COL4A3: variants seen among roughly 807,000 people sequenced by gnomAD.
COL4A3 encodes collagen alpha-3(IV) chain.
A neutral mutation model predicts 217.4 loss-of-function variants in COL4A3; 135 were observed. The observed-to-expected ratio is 0.62, with a 90% CI of 0.54 to 0.72. The LOEUF (loss-of-function observed/expected upper bound fraction) is 0.72. Among genes scored for constraint, COL4A3 ranks in the 30% least tolerant of loss-of-function variants. COL4A3 has a pLI of 0.00. For missense variants in COL4A3, 1,868 were observed against 2,119.9 expected, an observed-to-expected ratio of 0.88 and a Z score of 2.33; for synonymous variants, 690 against 736.3, an observed-to-expected ratio of 0.94 and a Z score of 1.02.
At chr2:227,239,810 C>G (rs2068913238) in intron 2 of COL4A3, among the ~76,000 whole-genome samples, 1 of 152,198 alleles carries the variant, frequency 6.6e-6, no homozygotes, top group Non-Finnish European at 1.5e-5. Flanking sequence ...ACTCCACTAA[C>G]CTTGATGCTT....
chr2:227,167,257 A>G (rs1042333521), intron 1 of COL4A3, among the ~76,000 whole-genome samples: 13 of 152,206 alleles, frequency 8.5e-5, no homozygotes, highest in Admixed American at 6.5e-5. Flanking sequence ...CAAAACAGGG[A>G]AATAGCAGCG....
intron 5 of COL4A3, 66 bp downstream of exon 5, chr2:227,245,061 A>T (rs1231668697): frequency 2.3e-4 from 337 of 1,492,282 alleles, no homozygotes; most frequent in Non-Finnish European, 3.0e-4. Context: ...AAAGATGTTA[A>T]AACAGTCGTG....
intron 42 of COL4A3, 29 bp from the exon 43 acceptor site, chr2:227,298,653 C>G: frequency 1.2e-6 from 2 of 1,612,812 alleles, no homozygotes; most frequent in Non-Finnish European, 1.7e-6. Context: ...CCCTGGCTGG[C>G]AATACTGACA....
At chr2:227,311,006 T>G in intron 51 of COL4A3, 58 bp downstream of exon 51, 1 of 1,598,204 alleles carries the variant, frequency 6.3e-7, no homozygotes, top group Non-Finnish European at 8.6e-7. Flanking sequence ...ATTCAAAGGT[T>G]GCCTGTGTTC....
At chr2:227,284,520 C>T (rs182311595) in intron 34 of COL4A3, among the ~76,000 whole-genome samples, 175 bp downstream of exon 34, 7 of 152,280 alleles carry the variant, frequency 4.6e-5, no homozygotes, top group South Asian at 2.1e-4. Flanking sequence ...TCACCTTCCA[C>T]GACATGTTGC....
At chr2:227,304,786 T>A (rs888555596) in intron 46 of COL4A3, among the ~76,000 whole-genome samples, 199 bp from the exon 47 acceptor site, 4 of 152,210 alleles carry the variant, frequency 2.6e-5, no homozygotes, top group Admixed American at 2.6e-4. Context: ...ATAGTTCATT[T>A]TCGAGAGTCT....
In COL4A3 at chr2:227,256,273, T is replaced by C; in HGVS notation, c.934-70T>C. 2.1e-6 allele frequency: 3 copies of C among 1,412,264 alleles called. No individual in the cohort carries two copies. In the South Asian group the frequency reaches 3.4e-5, roughly 16 times the overall value. 87.5% of individuals were successfully genotyped at this position (1,412,264 alleles called of 1,614,324 possible). A position where few individuals can be genotyped will look rare whatever the true frequency, so the allele number is the denominator to read the frequency against. Reference sequence around the variant, plus strand: ...TCTTTTGTTTCAGAGGAGTTCAAATTGCACCTGCTCCCCCAGAAGAAGTTG... The same window carrying C: ...TCTTTTGTTTCAGAGGAGTTCAAATCGCACCTGCTCCCCCAGAAGAAGTTG... On this transcript the variant is annotated intron_variant, in intron 16 of 51. Transcript: ENST00000396578.
intron 1 of COL4A3, chr2:227,228,550 G>A (rs1336668609): frequency 6.6e-6 from 1 of 152,606 alleles, no homozygotes; most frequent in Non-Finnish European, 1.5e-5. Context: ...GGCTGGGCTG[G>A]GCTGGGCTGC....
At position 227,164,877 on chromosome 2, in the gene COL4A3, C is replaced by T. The variant is rs2125609914; in HGVS notation, c.87+64C>T. On this transcript the variant is annotated intron_variant, in intron 1 of 51. Coordinates refer to ENST00000396578, the MANE Select transcript of COL4A3 (RefSeq NM_000091.5). This position sits in a 1 kb window ranked among gnomAD's most constrained non-coding sequence, Gnocchi z 4.8. ...ATCCCTCCTCCACGCGTCCGGGGGA[C>T]GCGCTGGCCCCACCCGCAGCGGCGC... is the stretch of plus-strand genomic sequence containing the variant. 7.1e-7 allele frequency: 1 copy of T among 1,405,898 alleles called. No homozygotes were observed. The highest frequency in any genetic ancestry group is 9.2e-7 in the Non-Finnish European group (1 of 1,086,328). 87.1% of individuals were successfully genotyped at this position (1,405,898 alleles called of 1,614,324 possible).
At chr2:227,176,302 AAAAT>A (rs2065671128) in intron 1 of COL4A3, among the ~76,000 whole-genome samples, 1 of 152,240 alleles carries the variant, frequency 6.6e-6, no homozygotes. Flanking sequence ...CTAGGGTATA[AAAAT>A]AAATATTTCC....
At chr2:227,229,498 TGGACAAG>T (rs1456941683) in intron 1 of COL4A3, among the ~76,000 whole-genome samples, 1 of 152,204 alleles carries the variant, frequency 6.6e-6, no homozygotes, top group Non-Finnish European at 1.5e-5. Context: ...TCTTTGGCAC[TGGACAAG>T]GGACTTCAAG....
At chr2:227,309,182 T>C (rs753244951) in intron 49 of COL4A3, 22 bp from the exon 50 acceptor site, 4 of 1,613,260 alleles carry the variant, frequency 2.5e-6, no homozygotes, top group Admixed American at 3.3e-5. Flanking sequence ...AATGCCGCCA[T>C]AGTCTTTGTT....
chr2:227,190,516 A>T (rs980504457), intron 1 of COL4A3, among the ~76,000 whole-genome samples: 20 of 152,254 alleles, frequency 1.3e-4, no homozygotes, highest in African/African-American at 4.1e-4. Context: ...TCAGTTTATT[A>T]TTTCGGATCA....
chr2:227,195,034 TATTA>T (rs1203641998), intron 1 of COL4A3, among the ~76,000 whole-genome samples: 1 of 152,188 alleles, frequency 6.6e-6, no homozygotes, highest in Non-Finnish European at 1.5e-5. Context: ...GAAAATTTTC[TATTA>T]ATTACCCTTT....
chr2:227,189,292 T>C (rs2066143429), intron 1 of COL4A3, among the ~76,000 whole-genome samples: 1 of 151,908 alleles, frequency 6.6e-6, no homozygotes, highest in South Asian at 2.1e-4. Context: ...GAGACCCTGG[T>C]TGTGGTGTGG....
At position 227,251,333 on chromosome 2, in the gene COL4A3, T is replaced by C. The variant is rs183314976; in HGVS notation, c.610-3T>C. The C allele has an allele frequency of 3.1e-6, 5 of 1,613,324 alleles. No individual in the cohort carries two copies. Among genetic ancestry groups the C allele is most frequent in the Non-Finnish European group, 4.2e-6 (5 of 1,179,920 alleles). Reference sequence around the variant, plus strand: ...TGTGATTTTCATTTGTGGATTTTTCTAGGGCTTTCCAGGAGCCATGGGACC... The same window carrying C: ...TGTGATTTTCATTTGTGGATTTTTCCAGGGCTTTCCAGGAGCCATGGGACC... On this transcript the variant is annotated splice_region_variant and splice_polypyrimidine_tract_variant and intron_variant, in intron 10 of 51. Transcript: ENST00000396578.
chr2:227,213,363 T>A (rs899244617), intron 1 of COL4A3, among the ~76,000 whole-genome samples: 3 of 152,124 alleles, frequency 2.0e-5, no homozygotes, highest in Non-Finnish European at 2.9e-5. Context: ...TTTTGGAGAG[T>A]AAAAGAGTAA....
intron 50 of COL4A3, 21 bp from the exon 51 acceptor site, chr2:227,310,755 A>G (rs754854148): frequency 2.5e-6 from 4 of 1,611,714 alleles, no homozygotes; most frequent in Non-Finnish European, 3.4e-6. Flanking sequence ...GTGTTTATTC[A>G]GATTTTTAAA....
chr2:227,193,571 G>T lies in COL4A3; in HGVS notation c.87+28758G>T, dbSNP rs1202148640. Among the ~76,000 whole-genome samples the T allele has an allele frequency of 2.6e-5, 4 of 152,022 alleles. No individual in the cohort carries two copies. In the East Asian group the frequency reaches 7.7e-4, roughly 29 times the overall value. Reference sequence around the variant, plus strand: ...TACTAAAAATACAAAAATTAGCCAGGCGTGGTTGTGCATGCCTGTAATCCC... The same window carrying T: ...TACTAAAAATACAAAAATTAGCCAGTCGTGGTTGTGCATGCCTGTAATCCC... On this transcript the variant is annotated intron_variant, in intron 1 of 51. Coordinates refer to ENST00000396578, the MANE Select transcript of COL4A3 (RefSeq NM_000091.5).
Sources: allele counts gnomAD v4.1 joint callset (sites outside exome capture counted in the v4.1 genomes callset), GRCh38; gene constraint gnomAD v4.1.1; non-coding constraint Gnocchi (gnomAD v3.1); transcripts MANE v1.5; gene names NCBI Gene and HGNC (gene_info 2026-07-23, HGNC 2026-07-21).